NAPB: variants seen among roughly 807,000 people sequenced by gnomAD.
The protein encoded by NAPB is NSF attachment protein beta, also known as beta-soluble NSF attachment protein.
In NAPB, 26 loss-of-function variants were observed where a neutral mutation model predicts 44.7. The observed-to-expected ratio is 0.58, with a 90% CI of 0.43 to 0.81. The LOEUF (loss-of-function observed/expected upper bound fraction) is 0.81, where lower values mean the gene tolerates loss of function less well. Ranked by LOEUF, NAPB falls within the 30% of genes least tolerant of loss-of-function variation. The probability of loss-of-function intolerance (pLI) is 0.00; values close to 1 mark genes in which losing one functional copy is unlikely to be tolerated. For missense variants in NAPB, 315 were observed against 356.4 expected (o/e 0.88, Z 0.94); for synonymous variants, 120 against 116.8 (o/e 1.03, Z -0.18).
rs1437816248 is a variant in NAPB, at chr20:23,375,599, C to T, written c.*1777G>A. On this transcript the variant is annotated 3_prime_UTR_variant, in exon 11 of 11. Transcript: ENST00000377026. ...GAGTGAAAAAGTACCAACTGGACTC[C>T]ATTCCAGGTCTTACCTCTAGAAGAC... The T allele has an allele frequency of 1.3e-5, 2 of 152,190 alleles. No individual in the cohort carries two copies. Among genetic ancestry groups the T allele is most frequent in the African/African-American group, 4.8e-5 (2 of 41,432 alleles). 9.4% of individuals were successfully genotyped at this position (152,190 alleles called of 1,614,324 possible).
At chr20:23,408,457 C>G (rs890467854) in intron 1 of NAPB, among the ~76,000 whole-genome samples, 1 of 152,156 alleles carries the variant, frequency 6.6e-6, no homozygotes, top group Non-Finnish European at 1.5e-5. Context: ...TAGAAAGAAT[C>G]CAGAAGAGAG....
chr20:23,382,930 G>A (rs1157052673), intron 7 of NAPB, among the ~76,000 whole-genome samples: 3 of 152,084 alleles, frequency 2.0e-5, no homozygotes, highest in African/African-American at 4.8e-5. Context: ...CAAGGCAGGC[G>A]AACCACTTGA....
chr20:23,379,740 GA>G, intron 9 of NAPB, 126 bp downstream of exon 9: 2 of 732,456 alleles, frequency 2.7e-6, no homozygotes, highest in Non-Finnish European at 4.6e-6. Flanking sequence ...ACGAAAGCAG[GA>G]AAGTACCAGG....
rs1270044709 is a variant in NAPB, at chr20:23,394,936, C to T, written c.406G>A (p.Val136Ile). ...CCACTGCTTACCTTCTCAATGTCTA[C>T]AAGTTCAGTCTCATAGATCTCTGCA... ...TIAEIYETEL[V>I]DIEKAIAHYE... The change falls in exon 5 of 11, where the codon GTA (valine) becomes ATA (isoleucine). Residue 136 changes from valine (V) to isoleucine (I), a missense_variant. Val to Ile is a conservative substitution (Grantham distance 29, BLOSUM62 3). Around this residue, in one of 3 missense-constraint regions of NAPB, gnomAD observed 179 missense variants for 182.5 expected, o/e 0.98. Transcript: ENST00000377026. The T allele has an allele frequency of 6.2e-7, 1 of 1,614,140 alleles. No homozygotes were observed. The highest frequency in any genetic ancestry group is 8.5e-7 in the Non-Finnish European group (1 of 1,179,984).
intron 1 of NAPB, among the ~76,000 whole-genome samples, chr20:23,405,765 A>T (rs936019456): frequency 6.6e-6 from 1 of 152,196 alleles, no homozygotes; most frequent in Non-Finnish European, 1.5e-5. Flanking sequence ...CCAAAAGTCC[A>T]TCAACCGATT....
chr20:23,420,960 G>T (rs937936721), intron 1 of NAPB, among the ~76,000 whole-genome samples: 1 of 151,534 alleles, frequency 6.6e-6, no homozygotes, highest in East Asian at 2.0e-4. Context: ...GAGAGCGTGT[G>T]GGGGCTGAGG....
At chr20:23,419,973 T>A (rs1986268584) in intron 1 of NAPB, among the ~76,000 whole-genome samples, 1 of 152,172 alleles carries the variant, frequency 6.6e-6, no homozygotes, top group African/African-American at 2.4e-5. Context: ...GAGCCCATTA[T>A]GTCTGTCTTC....
intron 7 of NAPB, among the ~76,000 whole-genome samples, chr20:23,382,135 C>T (rs887142109): frequency 6.6e-6 from 1 of 152,124 alleles, no homozygotes; most frequent in Admixed American, 6.6e-5. Context: ...TGAAGACTCT[C>T]ACCATACCAA....
intron 1 of NAPB, among the ~76,000 whole-genome samples, chr20:23,403,828 T>C (rs111586198): frequency 2.0e-5 from 3 of 152,166 alleles, no homozygotes; most frequent in African/African-American, 7.2e-5. Flanking sequence ...TTCAGCACTA[T>C]GTTTATTCAG....
chr20:23,411,485 C>T (rs2123251277), intron 1 of NAPB, among the ~76,000 whole-genome samples: 1 of 152,088 alleles, frequency 6.6e-6, no homozygotes. Flanking sequence ...AAGCCAGGAC[C>T]CAAGGGATAA....
intron 3 of NAPB, among the ~76,000 whole-genome samples, chr20:23,395,469 T>C (rs1487978336): frequency 6.6e-6 from 1 of 152,226 alleles, no homozygotes; most frequent in Non-Finnish European, 1.5e-5. Context: ...GGCAAAAGAC[T>C]GTATTATAAA....
At position 23,375,502 on chromosome 20, in the gene NAPB, A is replaced by G. The variant is rs1195024835; in HGVS notation, c.*1874T>C. 7.1e-6 allele frequency: 1 copy of G among 140,150 alleles called. No individual in the cohort carries two copies. Among genetic ancestry groups the G allele is most frequent in the Non-Finnish European group, 1.6e-5 (1 of 61,350 alleles). 8.7% of individuals were successfully genotyped at this position (140,150 alleles called of 1,614,324 possible). A position where few individuals can be genotyped will look rare whatever the true frequency, so the allele number is the denominator to read the frequency against. ...AAAAGTGCATTTGGCTGGTTGTAGGATATATTATTAGGTGGGGAAACAAAA... is the reference window on the plus strand; with the variant it reads ...AAAAGTGCATTTGGCTGGTTGTAGGGTATATTATTAGGTGGGGAAACAAAA... On this transcript the variant is annotated 3_prime_UTR_variant, in exon 11 of 11. Transcript: ENST00000377026.
intron 5 of NAPB, among the ~76,000 whole-genome samples, chr20:23,394,105 T>C (rs1378201704): frequency 6.6e-6 from 1 of 152,160 alleles, no homozygotes; most frequent in African/African-American, 2.4e-5. Flanking sequence ...CAGCTGTTCC[T>C]CTTAGTGAAA....
intron 2 of NAPB, among the ~76,000 whole-genome samples, chr20:23,401,312 A>C (rs1984825061): frequency 6.6e-6 from 1 of 152,188 alleles, no homozygotes; most frequent in Non-Finnish European, 1.5e-5. Flanking sequence ...CTGGAACGCT[A>C]GGCACGTGGG....
intron 3 of NAPB, among the ~76,000 whole-genome samples, chr20:23,396,224 G>A (rs1161986511): frequency 2.0e-5 from 3 of 152,134 alleles, no homozygotes; most frequent in Non-Finnish European, 4.4e-5. Flanking sequence ...CTGAAACCAG[G>A]GATTTTAATG....
At chr20:23,403,776 T>G (rs1985033718) in intron 1 of NAPB, among the ~76,000 whole-genome samples, 1 of 152,120 alleles carries the variant, frequency 6.6e-6, no homozygotes, top group East Asian at 1.9e-4. Flanking sequence ...GAGATTAAAT[T>G]TTGAAGGATA....
intron 5 of NAPB, 25 bp from the exon 6 acceptor site, chr20:23,390,289 C>T (rs779874475): frequency 2.5e-6 from 4 of 1,580,672 alleles, no homozygotes; most frequent in South Asian, 2.2e-5. Flanking sequence ...ATTTTATTCA[C>T]ACACAATTTA....
intron 2 of NAPB, among the ~76,000 whole-genome samples, chr20:23,399,769 C>G (rs756156860): frequency 6.6e-6 from 1 of 152,206 alleles, no homozygotes; most frequent in Non-Finnish European, 1.5e-5. Context: ...AGGAACATAT[C>G]TGGCTAAGTG....
chr20:23,397,225 GT>G, intron 2 of NAPB, 37 bp from the exon 3 acceptor site: 1 of 1,588,228 alleles, frequency 6.3e-7, no homozygotes, highest in Non-Finnish European at 8.6e-7. Flanking sequence ...AGAGGAACAA[GT>G]CCCCCCCAGA....
Sources: allele counts gnomAD v4.1 joint callset (sites outside exome capture counted in the v4.1 genomes callset), GRCh38; gene constraint gnomAD v4.1.1; regional missense constraint gnomAD v4.1.1; transcripts MANE v1.5; gene names NCBI Gene and HGNC (gene_info 2026-07-23, HGNC 2026-07-21).